The following ROBO1 variants were observed in gnomAD, a reference collection of about 807,000 sequenced individuals.
ROBO1 encodes roundabout homolog 1.
Under a neutral mutation model 195.9 loss-of-function variants are expected in ROBO1, and 149 were observed. That is an observed-to-expected ratio of 0.76 (90% CI 0.67 to 0.87). The LOEUF is 0.87. ROBO1 is among the 40% of genes least tolerant of loss of function. The pLI is 0.00. For synonymous variants in ROBO1, 816 were observed against 733.2 expected, an observed-to-expected ratio of 1.11 and a Z score of -1.82; for missense variants, 1,933 against 2,068.3, an observed-to-expected ratio of 0.93 and a Z score of 1.27.
intron 2 of ROBO1, among the ~76,000 whole-genome samples, chr3:79,478,820 G>A (rs1195193854): frequency 6.6e-6 from 1 of 152,294 alleles, no homozygotes. Flanking sequence ...TGACCCATGC[G>A]TGACTGTGTA....
At chr3:79,602,197 T>C (rs1414787989) in intron 1 of ROBO1, among the ~76,000 whole-genome samples, 1 of 152,006 alleles carries the variant, frequency 6.6e-6, no homozygotes, top group Non-Finnish European at 1.5e-5. Context: ...GAACAAGCAT[T>C]AAATTTCAGA....
At chr3:79,525,607 ACTTT>A (rs1941400628) in intron 2 of ROBO1, among the ~76,000 whole-genome samples, 1 of 141,808 alleles carries the variant, frequency 7.1e-6, no homozygotes, top group African/African-American at 2.6e-5. Flanking sequence ...AGAACTTTAC[ACTTT>A]TTTTTTTTTT....
At chr3:79,529,363 C>T (rs894264797) in intron 2 of ROBO1, among the ~76,000 whole-genome samples, 28 of 152,078 alleles carry the variant, frequency 1.8e-4, no homozygotes, top group African/African-American at 6.5e-4. Flanking sequence ...TGGTGCATCC[C>T]AGTAGTCCCA....
At chr3:79,389,190 C>T (rs1010876298) in intron 2 of ROBO1, among the ~76,000 whole-genome samples, 10 of 151,724 alleles carry the variant, frequency 6.6e-5, no homozygotes, top group Non-Finnish European at 1.5e-4. Flanking sequence ...AAAACTAACC[C>T]TGAATTTGAA....
rs146197652 is a variant in ROBO1 at position 79,496,973 on chromosome 3, C to T, written c.88+92851G>A. Among the ~76,000 whole-genome samples the T allele has an allele frequency of 1.4e-3, 210 of 152,234 alleles. 3 individuals carry two copies. The East Asian group carries it at 0.036, about 26-fold the overall frequency. Reference sequence around the variant, plus strand: ...CTCTTAAGAAAAAGTTATTTGCAAACAAAAGAAGATAAAACATTATGCTCT... The same window carrying T: ...CTCTTAAGAAAAAGTTATTTGCAAATAAAAGAAGATAAAACATTATGCTCT... On this transcript the variant is annotated intron_variant, in intron 2 of 30. Coordinates refer to ENST00000464233, the MANE Select transcript of ROBO1 (RefSeq NM_002941.4).
At chr3:79,692,112 A>C (rs1201051700) in intron 1 of ROBO1, among the ~76,000 whole-genome samples, 2 of 151,804 alleles carry the variant, frequency 1.3e-5, no homozygotes, top group African/African-American at 4.8e-5. Context: ...GAAGAAAAGG[A>C]GGTTGAGGAG....
chr3:79,547,627 G>A (rs1169355460), intron 2 of ROBO1, among the ~76,000 whole-genome samples: 1 of 152,176 alleles, frequency 6.6e-6, no homozygotes, highest in African/African-American at 2.4e-5. Context: ...GTGTGGGAAT[G>A]TATGTGATAC....
At chr3:79,181,745 G>A (rs2081343506) in intron 2 of ROBO1, among the ~76,000 whole-genome samples, 1 of 151,654 alleles carries the variant, frequency 6.6e-6, no homozygotes, top group Non-Finnish European at 1.5e-5. Flanking sequence ...AGAGACATAG[G>A]GAGACCCCAT....
chr3:79,621,505 A>T (rs2107979196), intron 1 of ROBO1, among the ~76,000 whole-genome samples: 1 of 152,334 alleles, frequency 6.6e-6, no homozygotes, highest in South Asian at 2.1e-4. Context: ...TCCTAAAAGC[A>T]TTTAGAGAGA....
At position 79,478,011 on chromosome 3, in the gene ROBO1, C is replaced by T. The variant is rs531377180; in HGVS notation, c.88+111813G>A. Among the ~76,000 whole-genome samples, 8 of 152,240 alleles carry T rather than the reference C, an allele frequency of 5.3e-5. No homozygotes were observed. In the South Asian group the frequency reaches 1.5e-3, roughly 28 times the overall value. ...AAGTCTAATTTTAAAGACATTAGTG[C>T]ATGTTTTCCCTTCTTCATTTTGTAT... is the stretch of plus-strand genomic sequence containing the variant. On this transcript the variant is annotated intron_variant, in intron 2 of 30. Coordinates refer to ENST00000464233, the MANE Select transcript of ROBO1 (RefSeq NM_002941.4).
intron 3 of ROBO1, among the ~76,000 whole-genome samples, chr3:79,021,530 T>C (rs1335993112): frequency 1.3e-5 from 2 of 152,194 alleles, no homozygotes; most frequent in Non-Finnish European, 2.9e-5. Flanking sequence ...GGAAGTTTGC[T>C]CGTATCTCTC....
At chr3:79,649,127 C>T (rs1331459655) in intron 1 of ROBO1, among the ~76,000 whole-genome samples, 3 of 151,980 alleles carry the variant, frequency 2.0e-5, no homozygotes, top group Non-Finnish European at 4.4e-5. Flanking sequence ...TTGGGTGTGA[C>T]TGAGTCCCTA....
chr3:79,063,742 TTATTAAACTATTTGTATCCTG>T (rs920299285), intron 3 of ROBO1, among the ~76,000 whole-genome samples: 5 of 152,050 alleles, frequency 3.3e-5, no homozygotes, highest in African/African-American at 1.2e-4. Context: ...TGTGACATAG[TTATTAAACTATTTGTATCCTG>T]AAGTCAGCTT....
chr3:79,689,637 C>T (rs1255618779), intron 1 of ROBO1, among the ~76,000 whole-genome samples: 2 of 151,946 alleles, frequency 1.3e-5, no homozygotes, highest in Non-Finnish European at 2.9e-5. Flanking sequence ...ACAGCTGAGA[C>T]TAAAATTAGT....
At position 79,028,990 on chromosome 3, in the gene ROBO1, A is replaced by G. The variant is rs563976520; in HGVS notation, c.173-90063T>C. Among the ~76,000 whole-genome samples the G allele has an allele frequency of 2.0e-4, 30 of 152,168 alleles. No individual in the cohort carries two copies. In the East Asian group the frequency reaches 5.2e-3, roughly 26 times the overall value. ...ACCTTTGGAAAAAAGTATAAACTGA[A>G]GCACAATTCATTATTTCACTAAATG... On this transcript the variant is annotated intron_variant, in intron 3 of 30. Coordinates refer to ENST00000464233, the MANE Select transcript of ROBO1 (RefSeq NM_002941.4).
chr3:78,630,509 A>G (rs1262954654), intron 25 of ROBO1, among the ~76,000 whole-genome samples: 6 of 152,154 alleles, frequency 3.9e-5, no homozygotes, highest in Admixed American at 3.9e-4. Context: ...TTTCAGGTAT[A>G]TTTTACGATT....
At chr3:79,620,599 T>G (rs1944976083) in intron 1 of ROBO1, among the ~76,000 whole-genome samples, 1 of 152,036 alleles carries the variant, frequency 6.6e-6, no homozygotes, top group South Asian at 2.1e-4. Context: ...ATTATCTGCT[T>G]CCCAGACTAT....
intron 2 of ROBO1, among the ~76,000 whole-genome samples, chr3:79,510,968 A>T (rs374432764): frequency 6.6e-6 from 1 of 152,182 alleles, no homozygotes; most frequent in African/African-American, 2.4e-5. Context: ...CATAATTGAG[A>T]TGCATGATTT....
At chr3:79,123,259 C>T (rs925330456) in intron 3 of ROBO1, among the ~76,000 whole-genome samples, 3 of 151,880 alleles carry the variant, frequency 2.0e-5, no homozygotes, top group Non-Finnish European at 4.4e-5. Flanking sequence ...TCAATTTTCT[C>T]TAATATAAAG....
Sources: gnomAD v4.1 joint callset for allele counts (sites outside exome capture counted in the v4.1 genomes callset) on GRCh38, gnomAD v4.1.1 for gene constraint, MANE v1.5 for transcripts, NCBI Gene and HGNC (gene_info 2026-07-23, HGNC 2026-07-21) for gene names.